Variants in GRIN2A observed in about 807,000 individuals in gnomAD.
GRIN2A encodes the protein glutamate ionotropic receptor NMDA type subunit 2A.
Under a neutral mutation model 113.4 loss-of-function variants are expected in GRIN2A, and 22 were observed. That is an observed-to-expected ratio of 0.19 (90% CI 0.14 to 0.28). GRIN2A has a LOEUF of 0.28. Ranked by LOEUF, GRIN2A falls within the 10% of genes least tolerant of loss-of-function variation. GRIN2A has a pLI of 1.00. For synonymous variants in GRIN2A, 827 were observed against 738.4 expected, an observed-to-expected ratio of 1.12 and a Z score of -1.94; for missense variants, 1,502 against 1,887.0, an observed-to-expected ratio of 0.80 and a Z score of 3.78.
At chr16:10,044,897 A>C (rs2047232292) in intron 2 of GRIN2A, among the ~76,000 whole-genome samples, 1 of 152,124 alleles carries the variant, frequency 6.6e-6, no homozygotes, top group Non-Finnish European at 1.5e-5. Flanking sequence ...TTTGTAGATA[A>C]ATGTGTGACA....
intron 2 of GRIN2A, among the ~76,000 whole-genome samples, chr16:10,044,223 G>A (rs1243141594): frequency 3.3e-5 from 5 of 151,806 alleles, no homozygotes; most frequent in Admixed American, 2.0e-4. Context: ...TAGTAAATAT[G>A]GGGTTTCACA....
In GRIN2A at chr16:10,136,947, T is replaced by C. The variant is rs375758875; in HGVS notation, c.414+43051A>G. The stretch of plus-strand genomic sequence containing the variant: ...GAAACAATAAATGGTAAATTTTAAA[T>C]TAAGTGACTGCTTAAGGCAACTGGG... On this transcript the variant is annotated intron_variant, in intron 2 of 12. Coordinates refer to ENST00000330684, the MANE Select transcript of GRIN2A (RefSeq NM_001134407.3). Among the ~76,000 whole-genome samples the C allele has an allele frequency of 9.1e-4, 138 of 152,340 alleles. 5 individuals carry two copies. In the South Asian group the frequency reaches 0.027, roughly 30 times the overall value.
intron 4 of GRIN2A, among the ~76,000 whole-genome samples, chr16:9,878,225 G>A (rs1029904825): frequency 1.3e-5 from 2 of 152,092 alleles, no homozygotes; most frequent in African/African-American, 2.4e-5. Context: ...CCATATGACC[G>A]AATGTTTGAC....
intron 11 of GRIN2A, among the ~76,000 whole-genome samples, chr16:9,774,512 T>A (rs1901480711): frequency 6.6e-6 from 1 of 152,214 alleles, no homozygotes; most frequent in African/African-American, 2.4e-5. Flanking sequence ...CAACTACTCA[T>A]CCATTCATGT....
At chr16:10,124,462 C>T (rs112161556) in intron 2 of GRIN2A, among the ~76,000 whole-genome samples, 2 of 145,636 alleles carry the variant, frequency 1.4e-5, no homozygotes, top group Non-Finnish European at 3.1e-5. Context: ...TAACTGGCAA[C>T]TTAGCCTTGA....
rs560240299 is a variant in GRIN2A at position 9,768,794 on chromosome 16, C to T, written c.2595+57G>A. ...AGACCCCACTGAGACATCAAGAACCCAAGCGCTTTTCTAAACCTGCTTGCA... is the reference window on the plus strand; with the variant it reads ...AGACCCCACTGAGACATCAAGAACCTAAGCGCTTTTCTAAACCTGCTTGCA... On this transcript the variant is annotated intron_variant, in intron 12 of 12. Coordinates refer to ENST00000330684, the MANE Select transcript of GRIN2A (RefSeq NM_001134407.3). 179 of 1,152,350 alleles carry T rather than the reference C, an allele frequency of 1.6e-4. 1 individual carries two copies. The African/African-American group carries it at 2.6e-3, about 16-fold the overall frequency. The allele number at this position is 1,152,350 out of a possible 1,614,324, so 71.4% of individuals were successfully genotyped here.
intron 2 of GRIN2A, among the ~76,000 whole-genome samples, chr16:10,072,766 C>T (rs903552609): frequency 6.6e-6 from 1 of 151,858 alleles, no homozygotes; most frequent in African/African-American, 2.4e-5. Context: ...TGGGGAATAT[C>T]CCAGGAATCC....
intron 2 of GRIN2A, among the ~76,000 whole-genome samples, chr16:10,101,353 G>T (rs146122598): frequency 6.6e-6 from 1 of 152,190 alleles, no homozygotes; most frequent in Non-Finnish European, 1.5e-5. Flanking sequence ...GGAGAGAACA[G>T]AAACTAAAAG....
At chr16:9,879,533 C>T (rs2043437313) in intron 4 of GRIN2A, among the ~76,000 whole-genome samples, 1 of 152,178 alleles carries the variant, frequency 6.6e-6, no homozygotes, top group Admixed American at 6.5e-5. Flanking sequence ...GCCACTATTC[C>T]TCCCCATACC....
chr16:9,776,465 A>G (rs1276471053), intron 11 of GRIN2A, among the ~76,000 whole-genome samples: 1 of 152,000 alleles, frequency 6.6e-6, no homozygotes. Context: ...TGTCTCCTTG[A>G]TTAGTTTGTG....
chr16:10,048,314 C>G (rs181708214), intron 2 of GRIN2A, among the ~76,000 whole-genome samples: 1 of 152,218 alleles, frequency 6.6e-6, no homozygotes, highest in Non-Finnish European at 1.5e-5. Context: ...CTTTTAATTC[C>G]TTCGTAATCA....
intron 2 of GRIN2A, among the ~76,000 whole-genome samples, chr16:10,062,102 A>C (rs2047559640): frequency 6.6e-6 from 1 of 152,188 alleles, no homozygotes; most frequent in Admixed American, 6.5e-5. Context: ...CTGGGATGAG[A>C]TGGAAACCCA....
chr16:9,822,254 C>T lies in GRIN2A; in HGVS notation c.2168+10G>A, dbSNP rs2042300278. The T allele has an allele frequency of 1.9e-6, 3 of 1,613,490 alleles. No individual in the cohort carries two copies. Among genetic ancestry groups the T allele is most frequent in the Non-Finnish European group, 2.5e-6 (3 of 1,179,464 alleles). On this transcript the variant is annotated intron_variant, in intron 10 of 12. Transcript: ENST00000330684. ...CAGACCTGTGGTGAAAAGGAAACTG[C>T]CATCCTTACCCCGTTTTCAGGCTGA...
intron 2 of GRIN2A, among the ~76,000 whole-genome samples, chr16:10,108,005 C>A (rs1475704955): frequency 8.5e-5 from 13 of 152,198 alleles, no homozygotes; most frequent in Non-Finnish European, 5.9e-5. Flanking sequence ...TGGGCTAGAT[C>A]CTACTCATGT....
Position 9,776,677 on chromosome 16 carries a change from A to G in GRIN2A, c.2357-7588T>C, listed in dbSNP as rs1901623830. ...TCCATCTATAGCTGAAAGACGTCAG[A>G]AGGTTGTTGCTGCTGATCTCATTCG... is the stretch of plus-strand genomic sequence containing the variant. On this transcript the variant is annotated intron_variant, in intron 11 of 12. Transcript: ENST00000330684. Among the ~76,000 whole-genome samples the G allele has an allele frequency of 3.3e-5, 5 of 152,124 alleles. No homozygotes were observed. The South Asian group carries it at 1.0e-3, about 32-fold the overall frequency.
chr16:9,892,900 A>G (rs1202564227), intron 3 of GRIN2A, among the ~76,000 whole-genome samples: 1 of 150,808 alleles, frequency 6.6e-6, no homozygotes, highest in Non-Finnish European at 1.5e-5. Context: ...CACTTGCTTC[A>G]TATTCCATTA....
chr16:10,027,514 C>T (rs1486641608), intron 2 of GRIN2A: 1 of 152,224 alleles, frequency 6.6e-6, no homozygotes, highest in Non-Finnish European at 1.5e-5. Flanking sequence ...CTCAGTGATT[C>T]CATCTAGCCA....
chr16:9,954,033 C>G (rs531890052), intron 2 of GRIN2A, among the ~76,000 whole-genome samples: 2 of 152,262 alleles, frequency 1.3e-5, no homozygotes, highest in Admixed American at 1.3e-4. Context: ...CAGGGGGCTC[C>G]TCCTCCTGCT....
chr16:9,772,654 G>A (rs111323179), intron 11 of GRIN2A, among the ~76,000 whole-genome samples: 3,656 of 152,184 alleles, frequency 0.024, 69 homozygotes, highest in African/African-American at 0.058. Flanking sequence ...AGGATTACAG[G>A]CGTGAGCCAC....
Sources: allele counts gnomAD v4.1 joint callset (sites outside exome capture counted in the v4.1 genomes callset), GRCh38; gene constraint gnomAD v4.1.1; transcripts MANE v1.5; gene names NCBI Gene and HGNC (gene_info 2026-07-23, HGNC 2026-07-21).